Variants in RHOBTB1 observed in about 807,000 individuals in gnomAD.
RHOBTB1 encodes the protein rho-related BTB domain-containing protein 1.
RHOBTB1 carries 40 observed loss-of-function variants against 71.6 expected under a neutral mutation model. The ratio of observed to expected loss-of-function variants is 0.56; its 90% CI spans 0.43 to 0.73. The LOEUF (loss-of-function observed/expected upper bound fraction) is 0.73, where lower values mean the gene tolerates loss of function less well. RHOBTB1 is among the 30% of genes least tolerant of loss of function. RHOBTB1 has a pLI of 0.00. For synonymous variants in RHOBTB1, 319 were observed against 334.9 expected (o/e 0.95, Z 0.52); for missense variants, 797 against 894.0 (o/e 0.89, Z 1.38).
chr10:60,878,056 C>T lies in RHOBTB1; in HGVS notation c.1578G>A (p.Val526=), dbSNP rs2081127488. 6.2e-7 allele frequency: 1 copy of T among 1,610,116 alleles called. No homozygotes were observed. The highest frequency in any genetic ancestry group is 1.1e-5 in the South Asian group (1 of 89,946). ...GSFVESANSE[V]YLPNINKISM... ...ATATCTTGTTTATGTTCGGGAGATA[C>T]ACCTGAAATGTTATACAAAAAGCTA... is the stretch of plus-strand genomic sequence containing the variant. Residue 526 remains valine (V), a splice_region_variant and synonymous_variant, in exon 8 of 11, where the codon GTG becomes GTA. Coordinates refer to ENST00000337910, the MANE Select transcript of RHOBTB1 (RefSeq NM_014836.5).
Position 60,878,072 on chromosome 10 carries a change from CA to C in RHOBTB1, c.1576-15del. 1 of 1,605,052 alleles carries C rather than the reference CA, an allele frequency of 6.2e-7. No individual in the cohort carries two copies. The highest frequency in any genetic ancestry group is 8.5e-7 in the Non-Finnish European group (1 of 1,175,726). On this transcript the variant is annotated splice_polypyrimidine_tract_variant and intron_variant, in intron 7 of 10. Coordinates refer to ENST00000337910, the MANE Select transcript of RHOBTB1 (RefSeq NM_014836.5). ...CGGGAGATACACCTGAAATGTTATA[CA>C]AAAAGCTAAATTCTGCTGCAGAAAG... is the stretch of plus-strand genomic sequence containing the variant.
At chr10:60,923,178 A>T (rs927830298) in intron 2 of RHOBTB1, among the ~76,000 whole-genome samples, 1 of 152,204 alleles carries the variant, frequency 6.6e-6, no homozygotes, top group African/African-American at 2.4e-5. Flanking sequence ...ACCATTCAAC[A>T]TATGACCTAT....
chr10:60,973,971 T>C (rs1359779851), intron 2 of RHOBTB1, among the ~76,000 whole-genome samples: 1 of 152,056 alleles, frequency 6.6e-6, no homozygotes, highest in Non-Finnish European at 1.5e-5. Flanking sequence ...AGAATGACCT[T>C]ATTAAACTAA....
intron 3 of RHOBTB1, 81 bp from the exon 4 acceptor site, chr10:60,911,071 A>G: frequency 5.6e-6 from 6 of 1,067,046 alleles, no homozygotes; most frequent in Non-Finnish European, 8.6e-6. Flanking sequence ...CAGCACCCTC[A>G]GTGCCATCAA....
At chr10:60,920,432 A>AGAGATGG (rs1423718336) in intron 2 of RHOBTB1, among the ~76,000 whole-genome samples, 1 of 152,126 alleles carries the variant, frequency 6.6e-6, no homozygotes, top group Non-Finnish European at 1.5e-5. Flanking sequence ...GGCCCGTTCA[A>AGAGATGG]GAGATGGGAG....
intron 1 of RHOBTB1, among the ~76,000 whole-genome samples, chr10:60,998,804 G>T (rs1452517120): frequency 1.3e-5 from 2 of 152,182 alleles, no homozygotes; most frequent in African/African-American, 4.8e-5. Context: ...AGGTCAAATG[G>T]CTAATTAATA....
intron 2 of RHOBTB1, among the ~76,000 whole-genome samples, chr10:60,927,598 G>A (rs1294928354): frequency 6.6e-6 from 1 of 152,138 alleles, no homozygotes; most frequent in African/African-American, 2.4e-5. Context: ...AAGGTGCTGA[G>A]AACATACACT....
intron 4 of RHOBTB1, among the ~76,000 whole-genome samples, chr10:60,903,509 G>T (rs371256415): frequency 6.6e-6 from 1 of 152,154 alleles, no homozygotes; most frequent in African/African-American, 2.4e-5. Context: ...GTTCCAGAAC[G>T]AACCAGCTAC....
intron 1 of RHOBTB1, among the ~76,000 whole-genome samples, chr10:60,992,441 G>A (rs1041248320): frequency 6.6e-6 from 1 of 152,152 alleles, no homozygotes; most frequent in African/African-American, 2.4e-5. Flanking sequence ...CATGCTGGAG[G>A]GGACACAAAG....
At chr10:60,982,717 CTAA>C (rs2086541162) in intron 2 of RHOBTB1, among the ~76,000 whole-genome samples, 1 of 152,166 alleles carries the variant, frequency 6.6e-6, no homozygotes, top group African/African-American at 2.4e-5. Context: ...TACTGTTAGA[CTAA>C]TATTACTGAT....
the RHOBTB1 span, among the ~76,000 whole-genome samples, chr10:60,861,155 T>C: frequency 1.3e-5 from 2 of 152,024 alleles, no homozygotes; most frequent in African/African-American, 2.4e-5. Context: ...CCCTGCAAAA[T>C]AGGGTGAAGA....
At chr10:60,879,517 T>A (rs2081212239) in intron 7 of RHOBTB1, among the ~76,000 whole-genome samples, 1 of 151,808 alleles carries the variant, frequency 6.6e-6, no homozygotes, top group South Asian at 2.1e-4. Flanking sequence ...TATTAATTTT[T>A]TTTTTTTGTA....
intron 1 of RHOBTB1, among the ~76,000 whole-genome samples, chr10:60,994,842 C>T (rs1589481722): frequency 6.6e-6 from 1 of 151,974 alleles, no homozygotes; most frequent in African/African-American, 2.4e-5. Context: ...AGGGCCCAGA[C>T]ACTTTAATGC....
intron 7 of RHOBTB1, among the ~76,000 whole-genome samples, chr10:60,878,349 G>A (rs1034887748): frequency 6.6e-6 from 1 of 152,110 alleles, no homozygotes; most frequent in Non-Finnish European, 1.5e-5. Flanking sequence ...ATGACATTAG[G>A]GGCCCTCATG....
At chr10:60,962,120 C>CT (rs904983675) in intron 2 of RHOBTB1, among the ~76,000 whole-genome samples, 11 of 150,798 alleles carry the variant, frequency 7.3e-5, no homozygotes, top group East Asian at 1.9e-4. Context: ...TTTATAATGG[C>CT]TTTTTTTTTG....
At chr10:60,905,221 C>G (rs377217989) in intron 4 of RHOBTB1, among the ~76,000 whole-genome samples, 1 of 151,566 alleles carries the variant, frequency 6.6e-6, no homozygotes, top group African/African-American at 2.4e-5. Context: ...GAAGCCAAGG[C>G]GGGCAGATCA....
intron 6 of RHOBTB1, among the ~76,000 whole-genome samples, chr10:60,887,727 G>A (rs1348107273): frequency 2.0e-5 from 3 of 152,222 alleles, no homozygotes; most frequent in South Asian, 2.1e-4. Flanking sequence ...GTGGCCTCAG[G>A]ACTTGAGATC....
At chr10:60,923,100 A>G (rs1213990345) in intron 2 of RHOBTB1, among the ~76,000 whole-genome samples, 2 of 152,338 alleles carry the variant, frequency 1.3e-5, no homozygotes, top group African/African-American at 2.4e-5. Context: ...TGGTTATCCA[A>G]GTATTTGGAA....
At chr10:60,944,348 T>A (rs1234294664), upstream of RHOBTB1, 2 of 152,212 alleles carry the variant, frequency 1.3e-5, no homozygotes, top group Non-Finnish European at 2.9e-5. Context: ...CCTTCGCGGC[T>A]ATTTATATCC....
Sources: allele counts gnomAD v4.1 joint callset (sites outside exome capture counted in the v4.1 genomes callset), GRCh38; gene constraint gnomAD v4.1.1; transcripts MANE v1.5; gene names NCBI Gene and HGNC (gene_info 2026-07-23, HGNC 2026-07-21).